AGAP1: variants seen among roughly 807,000 people sequenced by gnomAD.
AGAP1 encodes arf-GAP with GTPase, ANK repeat and PH domain-containing protein 1.
Under a neutral mutation model 105.3 loss-of-function variants are expected in AGAP1, and 29 were observed. The ratio of observed to expected loss-of-function variants is 0.28; its 90% CI spans 0.21 to 0.38. The LOEUF (loss-of-function observed/expected upper bound fraction) is 0.38. AGAP1 is among the 10% of genes least tolerant of loss of function. AGAP1 has a pLI of 1.00. For synonymous variants in AGAP1, 509 were observed against 485.9 expected (o/e 1.05, Z -0.63); for missense variants, 998 against 1,165.1 (o/e 0.86, Z 2.09).
chr2:235,879,249 G>A lies in AGAP1; in HGVS notation c.1051-4096G>A, dbSNP rs2049893098. 6.6e-6 allele frequency among the ~76,000 whole-genome samples: 1 copy of A among 152,196 alleles called. No individual in the cohort carries two copies. Among genetic ancestry groups the A allele is most frequent in the South Asian group, 2.1e-4 (1 of 4,828 alleles). On this transcript the variant is annotated intron_variant, in intron 9 of 17. Coordinates refer to ENST00000304032, the MANE Select transcript of AGAP1 (RefSeq NM_001037131.3). The surrounding 1 kb of genome is among the most constrained non-coding windows in gnomAD (Gnocchi z 5.0). ...ATGACTGCACAGCCGGGCTGAGCAT[G>A]GGGTAGTGCTCCAGCCACTGAAAGA... is the stretch of plus-strand genomic sequence containing the variant.
At position 235,691,449 on chromosome 2, in the gene AGAP1, T is replaced by G. The variant is rs1358575104; in HGVS notation, c.164-17730T>G. On this transcript the variant is annotated intron_variant, in intron 1 of 17. Coordinates refer to ENST00000304032, the MANE Select transcript of AGAP1 (RefSeq NM_001037131.3). This position sits in a 1 kb window ranked among gnomAD's most constrained non-coding sequence, Gnocchi z 4.4. ...GATTTAACACATCTTTAAAATCCGC[T>G]GAAGACTGTAAAGATACTCATTTGA... is the stretch of plus-strand genomic sequence containing the variant. Among the ~76,000 whole-genome samples the G allele has an allele frequency of 6.6e-6, 1 of 152,268 alleles. No individual in the cohort carries two copies. The highest frequency in any genetic ancestry group is 2.4e-5 in the African/African-American group (1 of 41,476).
chr2:235,858,369 G>A (rs533432886), intron 9 of AGAP1, among the ~76,000 whole-genome samples: 1 of 145,530 alleles, frequency 6.9e-6, no homozygotes, highest in African/African-American at 2.6e-5. Flanking sequence ...GTTTCTAAGG[G>A]CTGCTTACTG....
At chr2:235,742,871 A>T (rs1452622296) in intron 4 of AGAP1, among the ~76,000 whole-genome samples, 4 of 152,160 alleles carry the variant, frequency 2.6e-5, no homozygotes, top group Non-Finnish European at 5.9e-5. Context: ...ATATAGAGAA[A>T]AATCTACAGA....
rs1235705448 is a variant in AGAP1 at position 235,494,388 on chromosome 2, G to T, written c.-299G>T. ...GAAGTCACCCGAGCAAGCCTCCTTC[G>T]GGGCCGGCCGCACCCGCCGCGGCGC... On this transcript the variant is annotated 5_prime_UTR_variant, in exon 1 of 18. Transcript: ENST00000304032. 6.9e-6 allele frequency: 1 copy of T among 143,966 alleles called. No individual in the cohort carries two copies. Among genetic ancestry groups the T allele is most frequent in the Admixed American group, 6.8e-5 (1 of 14,666 alleles). 8.9% of individuals were successfully genotyped at this position (143,966 alleles called of 1,614,324 possible).
Position 235,855,005 on chromosome 2 carries a change from G to C in AGAP1, c.1051-28340G>C, listed in dbSNP as rs2048627743. ...CAGAGGAGGGCCCGCCATGAGGTCT[G>C]CCTCCTTGTATTTGTTACTTCTGAA... On this transcript the variant is annotated intron_variant, in intron 9 of 17. Coordinates refer to ENST00000304032, the MANE Select transcript of AGAP1 (RefSeq NM_001037131.3). This position sits in a 1 kb window ranked among gnomAD's most constrained non-coding sequence, Gnocchi z 5.0. 6.6e-6 allele frequency among the ~76,000 whole-genome samples: 1 copy of C among 152,202 alleles called. No homozygotes were observed. Among genetic ancestry groups the C allele is most frequent in the African/African-American group, 2.4e-5 (1 of 41,450 alleles).
chr2:235,794,887 T>C (rs566849216), intron 6 of AGAP1, among the ~76,000 whole-genome samples: 11 of 152,316 alleles, frequency 7.2e-5, no homozygotes, highest in African/African-American at 2.6e-4. Flanking sequence ...ACATTGAACA[T>C]ACGTATTTAT....
chr2:235,987,878 T>C (rs1487227101), intron 13 of AGAP1, among the ~76,000 whole-genome samples: 1 of 152,192 alleles, frequency 6.6e-6, no homozygotes, highest in Non-Finnish European at 1.5e-5. Flanking sequence ...CGTTCATGCG[T>C]AATACGGAAT....
chr2:235,571,189 T>C (rs1944500663), intron 1 of AGAP1, among the ~76,000 whole-genome samples: 1 of 152,136 alleles, frequency 6.6e-6, no homozygotes, highest in African/African-American at 2.4e-5. Context: ...TCATGAAGGA[T>C]CCACCCCATG....
chr2:235,783,517 G>A (rs991450061), intron 6 of AGAP1: 48 of 362,158 alleles, frequency 1.3e-4, no homozygotes, highest in Non-Finnish European at 2.5e-4. Flanking sequence ...ACCTTGTGAC[G>A]TCCCTGTCAT....
intron 13 of AGAP1, among the ~76,000 whole-genome samples, chr2:235,999,643 G>A (rs1358116509): frequency 5.9e-5 from 9 of 151,634 alleles, no homozygotes; most frequent in Non-Finnish European, 8.8e-5. Context: ...TTGTGGTGAC[G>A]ATGGTGAGAG....
chr2:235,548,294 C>T (rs542244671), intron 1 of AGAP1, among the ~76,000 whole-genome samples: 5 of 152,272 alleles, frequency 3.3e-5, no homozygotes, highest in South Asian at 2.1e-4. Context: ...GCTGCTGAAT[C>T]GGCTCACTTT....
Position 235,682,797 on chromosome 2 carries a change from C to CGTGTGTGTGTGTGTGTGT in AGAP1, c.164-26377_164-26360dup, listed in dbSNP as rs71064869. Among the ~76,000 whole-genome samples, 118 of 149,570 alleles carry CGTGTGTGTGTGTGTGTGT rather than the reference C, an allele frequency of 7.9e-4. 1 individual carries two copies. The highest frequency in any genetic ancestry group is 2.4e-3 in the East Asian group (12 of 4,996). On this transcript the variant is annotated intron_variant, in intron 1 of 17. Transcript: ENST00000304032. The stretch of plus-strand genomic sequence containing the variant: ...AACTCGATGTGTGGGTGTGTGCACA[C>CGTGTGTGTGTGTGTGTGT]GTGTGTGTGTGTGTGTGTGTGTTTT...
rs1004578235 is a variant in AGAP1, at chr2:235,958,677, A to T, written c.1484-9785A>T. ...GCAGAGATAAGTTGTCACGTTTTCC[A>T]CTTGAGCTGAAACTAAATGATTGTA... On this transcript the variant is annotated intron_variant, in intron 12 of 17. Transcript: ENST00000304032. The surrounding 1 kb of genome is among the most constrained non-coding windows in gnomAD (Gnocchi z 4.1). Among the ~76,000 whole-genome samples the T allele has an allele frequency of 6.6e-6, 1 of 152,152 alleles. No individual in the cohort carries two copies. Among genetic ancestry groups the T allele is most frequent in the Non-Finnish European group, 1.5e-5 (1 of 68,036 alleles).
chr2:235,522,029 T>A (rs1025373985), intron 1 of AGAP1, among the ~76,000 whole-genome samples: 1 of 152,182 alleles, frequency 6.6e-6, no homozygotes, highest in Admixed American at 6.5e-5. Context: ...CAGCTTGGTT[T>A]TTGAATACAT....
chr2:235,721,285 G>A lies in AGAP1; in HGVS notation c.310+3641G>A, dbSNP rs901083374. On this transcript the variant is annotated intron_variant, in intron 3 of 17. Transcript: ENST00000304032. The surrounding 1 kb of genome is among the most constrained non-coding windows in gnomAD (Gnocchi z 4.5). ...GGCCTCCCAAAGTGCTGGGATTACAGGCATGAGCCACCACGTCCAGCCAAG... is the reference window on the plus strand; with the variant it reads ...GGCCTCCCAAAGTGCTGGGATTACAAGCATGAGCCACCACGTCCAGCCAAG... Among the ~76,000 whole-genome samples the A allele has an allele frequency of 6.6e-6, 1 of 152,218 alleles. No individual in the cohort carries two copies. The highest frequency in any genetic ancestry group is 2.4e-5 in the African/African-American group (1 of 41,462).
intron 1 of AGAP1, among the ~76,000 whole-genome samples, chr2:235,647,908 C>G (rs566936867): frequency 1.8e-3 from 272 of 152,164 alleles, no homozygotes; most frequent in Non-Finnish European, 3.2e-3. Context: ...TAATTTCCCC[C>G]CTCTGGCCAG....
At chr2:235,519,312 A>G (rs906321955) in intron 1 of AGAP1, among the ~76,000 whole-genome samples, 2 of 151,932 alleles carry the variant, frequency 1.3e-5, no homozygotes, top group Non-Finnish European at 2.9e-5. Context: ...GCCTCAAGTG[A>G]TCCTCCCACT....
intron 1 of AGAP1, among the ~76,000 whole-genome samples, chr2:235,594,292 T>TGG (rs1945446609): frequency 2.7e-5 from 4 of 150,902 alleles, no homozygotes; most frequent in Admixed American, 1.3e-4. Flanking sequence ...TTCTGGGGTT[T>TGG]TTTTTTTTTC....
At chr2:235,939,365 C>T (rs961962881) in intron 12 of AGAP1, among the ~76,000 whole-genome samples, 1 of 151,990 alleles carries the variant, frequency 6.6e-6, no homozygotes, top group African/African-American at 2.4e-5. Flanking sequence ...GTAGGGCATC[C>T]CTTCCACCTC....
Sources: gnomAD v4.1 joint callset for allele counts (sites outside exome capture counted in the v4.1 genomes callset) on GRCh38, gnomAD v4.1.1 for gene constraint, Gnocchi (gnomAD v3.1) non-coding constraint, MANE v1.5 for transcripts, NCBI Gene and HGNC (gene_info 2026-07-23, HGNC 2026-07-21) for gene names.